The following MRPL39 variants were observed in gnomAD, a reference collection of about 807,000 sequenced individuals.
The protein encoded by MRPL39 is mitochondrial ribosomal protein L39.
In MRPL39, 35 loss-of-function variants were observed where a neutral mutation model predicts 44.5. That is an observed-to-expected ratio of 0.79 (90% CI 0.60 to 1.04). MRPL39 has a LOEUF of 1.04. Ranked by LOEUF, MRPL39 falls within the 50% of genes least tolerant of loss-of-function variation. The probability of loss-of-function intolerance (pLI) is 0.00; values close to 1 mark genes in which losing one functional copy is unlikely to be tolerated. For missense variants in MRPL39, 433 were observed against 413.5 expected (o/e 1.05, Z -0.41); for synonymous variants, 139 against 136.1 (o/e 1.02, Z -0.15).
At position 25,597,425 on chromosome 21, in the gene MRPL39, A is replaced by G; in HGVS notation, c.589-11T>C. 7.0e-7 allele frequency: 1 copy of G among 1,434,002 alleles called. No individual in the cohort carries two copies. Among genetic ancestry groups the G allele is most frequent in the Non-Finnish European group, 9.7e-7 (1 of 1,030,488 alleles). 88.8% of individuals were successfully genotyped at this position (1,434,002 alleles called of 1,614,324 possible). A position where few individuals can be genotyped will look rare whatever the true frequency, so the allele number is the denominator to read the frequency against. On this transcript the variant is annotated splice_polypyrimidine_tract_variant and intron_variant, in intron 5 of 9. Transcript: ENST00000352957. Reference sequence around the variant, plus strand: ...GGAACGTAAGTTCTCCTTAAAAATGAAAGTAATAACCTTTAGTAACAATTC... The same window carrying G: ...GGAACGTAAGTTCTCCTTAAAAATGGAAGTAATAACCTTTAGTAACAATTC...
At chr21:25,606,275 T>A (rs562186426) in intron 2 of MRPL39, among the ~76,000 whole-genome samples, 174 bp downstream of exon 2, 2 of 152,138 alleles carry the variant, frequency 1.3e-5, no homozygotes, top group Non-Finnish European at 2.9e-5. Flanking sequence ...TTTAGCTAGG[T>A]CTGTGATGTG....
chr21:25,585,809 T>C, intron 9 of MRPL39, 55 bp from the exon 10 acceptor site: 1 of 1,248,352 alleles, frequency 8.0e-7, no homozygotes. Flanking sequence ...GTTTTACCCT[T>C]CACCCACCAT....
upstream of MRPL39, chr21:25,607,563 TC>T: frequency 7.2e-7 from 1 of 1,385,496 alleles, no homozygotes; most frequent in Non-Finnish European, 9.9e-7. Context: ...GCAGGACAGG[TC>T]TGTTCCGGAC....
At chr21:25,603,269 G>A (rs910924920) in intron 3 of MRPL39, among the ~76,000 whole-genome samples, 4 of 152,134 alleles carry the variant, frequency 2.6e-5, no homozygotes, top group Admixed American at 6.5e-5. Flanking sequence ...AGCTGGAAAG[G>A]CAGGCTGGGA....
intron 8 of MRPL39, among the ~76,000 whole-genome samples, chr21:25,591,400 G>A (rs2031176461): frequency 6.6e-6 from 1 of 152,068 alleles, no homozygotes; most frequent in Non-Finnish European, 1.5e-5. Flanking sequence ...CAGAAAAAGA[G>A]AGAAATCTGA....
At chr21:25,603,290 C>T (rs2031572948) in intron 3 of MRPL39, among the ~76,000 whole-genome samples, 1 of 152,052 alleles carries the variant, frequency 6.6e-6, no homozygotes, top group Admixed American at 6.6e-5. Flanking sequence ...ACAGATTATA[C>T]AGGGCCTGGA....
chr21:25,595,506 A>G (rs1252472688), intron 6 of MRPL39, among the ~76,000 whole-genome samples: 1 of 152,236 alleles, frequency 6.6e-6, no homozygotes, highest in Non-Finnish European at 1.5e-5. Context: ...AGTCCTTGAC[A>G]GTTAGAGGAA....
intron 9 of MRPL39, among the ~76,000 whole-genome samples, chr21:25,588,075 G>T (rs1024552338): frequency 2.4e-4 from 36 of 152,304 alleles, no homozygotes; most frequent in Non-Finnish European, 5.3e-4. Flanking sequence ...ACCTTGGGAG[G>T]CTGAGGGGGG....
At chr21:25,606,730 A>T (rs1257977108) in intron 1 of MRPL39, 75 bp from the exon 2 acceptor site, 1 of 1,128,812 alleles carries the variant, frequency 8.9e-7, no homozygotes, top group Non-Finnish European at 1.3e-6. Flanking sequence ...TCAGAGGTAA[A>T]ATTAAACCAA....
At chr21:25,595,941 A>G (rs2031342320) in intron 6 of MRPL39, among the ~76,000 whole-genome samples, 1 of 152,218 alleles carries the variant, frequency 6.6e-6, no homozygotes, top group South Asian at 2.1e-4. Flanking sequence ...CTACAATACT[A>G]TCTGTACTCT....
chr21:25,599,917 A>G, intron 4 of MRPL39, 51 bp from the exon 5 acceptor site: 1 of 1,408,044 alleles, frequency 7.1e-7, no homozygotes, highest in Non-Finnish European at 1.0e-6. Flanking sequence ...CCCAACAGAA[A>G]GTTACTAATT....
rs938064940 is a variant in MRPL39 at position 25,607,364 on chromosome 21, T to G, written c.73+39A>C. 2.5e-6 allele frequency: 4 copies of G among 1,609,912 alleles called. No individual in the cohort carries two copies. In the African/African-American group the frequency reaches 5.3e-5, roughly 21 times the overall value. On this transcript the variant is annotated intron_variant, in intron 1 of 9. Transcript: ENST00000352957. The stretch of plus-strand genomic sequence containing the variant: ...CCCAATCTAGACAGACACCACTATC[T>G]AGGCCTCGCTCCCTGTCCCTACGGC...
At position 25,588,870 on chromosome 21, in the gene MRPL39, T is replaced by A. The variant is rs374575344; in HGVS notation, c.934A>T (p.Ile312Leu). The A allele has an allele frequency of 6.2e-7, 1 of 1,612,954 alleles. No individual in the cohort carries two copies. The highest frequency in any genetic ancestry group is 2.2e-5 in the East Asian group (1 of 44,782). ...LPVHLRAHFT[I>L]WDKLLERSRK... is the part of the protein sequence containing the mutation. ...GATCTTTCCAATAGCTTATCCCATA[T>A]TGTAAAATGTGCCTTGAAAAGAAAA... Residue 312 changes from isoleucine to leucine, a missense_variant, in exon 9 of 10, where the codon ATA (isoleucine) becomes TTA (leucine). By Grantham distance (5) the Ile-to-Leu change is conservative. Transcript: ENST00000352957.
At chr21:25,604,870 G>T (rs2031618109) in intron 2 of MRPL39, among the ~76,000 whole-genome samples, 1 of 152,204 alleles carries the variant, frequency 6.6e-6, no homozygotes, top group Admixed American at 6.5e-5. Flanking sequence ...ATGACTGCAA[G>T]CATGAATGAC....
intron 3 of MRPL39, 62 bp downstream of exon 3, chr21:25,603,733 CA>C: frequency 6.8e-7 from 1 of 1,479,842 alleles, no homozygotes. Flanking sequence ...CCATAGAAAA[CA>C]GGTCTTAATA....
At chr21:25,607,010 C>A (rs983057021) in intron 1 of MRPL39, among the ~76,000 whole-genome samples, 1 of 152,218 alleles carries the variant, frequency 6.6e-6, no homozygotes, top group Non-Finnish European at 1.5e-5. Context: ...GGTCCCACAC[C>A]GAAACTATCA....
chr21:25,598,438 T>C (rs1231353195), intron 5 of MRPL39, among the ~76,000 whole-genome samples: 2 of 95,862 alleles, frequency 2.1e-5, no homozygotes, highest in African/African-American at 6.3e-5. Context: ...CCCATCTCTT[T>C]AAAAAAAAAA....
At chr21:25,603,734 A>G in intron 3 of MRPL39, 62 bp downstream of exon 3, 2 of 1,484,208 alleles carry the variant, frequency 1.3e-6, no homozygotes, top group Non-Finnish European at 1.8e-6. Flanking sequence ...CATAGAAAAC[A>G]GGTCTTAATA....
intron 9 of MRPL39, chr21:25,587,583 C>T: frequency 1.2e-6 from 1 of 851,072 alleles, no homozygotes; most frequent in South Asian, 1.8e-5. Context: ...ATAACAAATC[C>T]TGAAAGGCTT....
Sources: allele counts gnomAD v4.1 joint callset (sites outside exome capture counted in the v4.1 genomes callset), GRCh38; gene constraint gnomAD v4.1.1; transcripts MANE v1.5; gene names NCBI Gene and HGNC (gene_info 2026-07-23, HGNC 2026-07-21).